Variants in ARVCF observed in about 807,000 individuals in gnomAD.
The protein encoded by ARVCF is splicing regulator ARVCF.
ARVCF carries 66 observed loss-of-function variants against 90.9 expected under a neutral mutation model. That is an observed-to-expected ratio of 0.73 (90% CI 0.60 to 0.89). The LOEUF is 0.89. Ranked by LOEUF, ARVCF falls within the 40% of genes least tolerant of loss-of-function variation. The pLI is 0.00. For missense variants in ARVCF, 1,469 were observed against 1,382.3 expected (o/e 1.06, Z -1.00); for synonymous variants, 653 against 603.4 (o/e 1.08, Z -1.21).
At chr22:19,985,718 C>CACA (rs3081759) in intron 3 of ARVCF, among the ~76,000 whole-genome samples, 63,036 of 151,896 alleles carry the variant, frequency 0.41, 13,753 homozygotes, top group African/African-American at 0.55. Flanking sequence ...TTCACAGATG[C>CACA]ACCACGGTCT....
downstream of ARVCF, among the ~76,000 whole-genome samples, chr22:19,967,898 C>T (rs1045276465): frequency 6.6e-6 from 1 of 152,276 alleles, no homozygotes; most frequent in Non-Finnish European, 1.5e-5. Flanking sequence ...GTGGACCCCA[C>T]GGGCCATGCC....
chr22:19,993,933 G>T (rs965153047), intron 2 of ARVCF, among the ~76,000 whole-genome samples: 1 of 152,216 alleles, frequency 6.6e-6, no homozygotes, highest in East Asian at 1.9e-4. Context: ...TCCAGGACCA[G>T]GACGTGAGCC....
intron 2 of ARVCF, among the ~76,000 whole-genome samples, chr22:20,006,671 C>T (rs1429628101): frequency 6.7e-6 from 1 of 150,108 alleles, no homozygotes; most frequent in African/African-American, 2.5e-5. Flanking sequence ...CTTGCCCTGT[C>T]GCCAGGCTAG....
chr22:19,973,489 G>T (rs797014162), intron 13 of ARVCF, among the ~76,000 whole-genome samples, 154 bp downstream of exon 13: 2 of 152,304 alleles, frequency 1.3e-5, no homozygotes, highest in African/African-American at 4.8e-5. Flanking sequence ...GACAGGGCCG[G>T]GGGGACTGGA....
At chr22:19,982,496 C>A (rs902874439) in intron 3 of ARVCF, among the ~76,000 whole-genome samples, 4 of 152,136 alleles carry the variant, frequency 2.6e-5, no homozygotes, top group African/African-American at 7.2e-5. Flanking sequence ...TGCAGCATGC[C>A]TTCCTGATGT....
intron 2 of ARVCF, among the ~76,000 whole-genome samples, chr22:19,998,451 C>T (rs1468294743): frequency 6.6e-6 from 1 of 152,114 alleles, no homozygotes; most frequent in Non-Finnish European, 1.5e-5. Context: ...TCCCAGGTTT[C>T]GGAGCCAAGG....
chr22:19,976,715 A>C lies in ARVCF; in HGVS notation c.1879T>G (p.Phe627Val). 6.4e-6 allele frequency: 10 copies of C among 1,560,456 alleles called. No individual in the cohort carries two copies. The highest frequency in any genetic ancestry group is 8.7e-6 in the Non-Finnish European group (10 of 1,151,844). The change falls in exon 10 of 20, where the codon TTC becomes GTC. Residue 627 changes from phenylalanine to valine, a missense_variant. Phe to Val is a conservative substitution (Grantham distance 50). Coordinates refer to ENST00000263207, the MANE Select transcript of ARVCF (RefSeq NM_001670.3). Reference sequence around the variant, plus strand: ...ATAAAAAGGGACTCACCTTGGTGGAACCACTCCTCTGGGAGGCCGGAGGAA... The same window carrying C: ...ATAAAAAGGGACTCACCTTGGTGGACCCACTCCTCTGGGAGGCCGGAGGAA... ...FGGKKAKEEW[F>V]HQGKKDGEMD...
intron 2 of ARVCF, among the ~76,000 whole-genome samples, chr22:20,001,092 A>G (rs914490031): frequency 8.5e-5 from 13 of 152,144 alleles, no homozygotes; most frequent in Non-Finnish European, 1.5e-5. Flanking sequence ...AAGTCCCGAC[A>G]GGCCCTTTGG....
chr22:19,979,640 T>C lies in ARVCF; in HGVS notation c.1396+103A>G, dbSNP rs1024679999. ...AGCAGCTGCACTCCTGCCTACCGGG[T>C]GCTTTCCCAGGCGGTCGCAGGCCGA... On this transcript the variant is annotated intron_variant, in intron 6 of 19. Coordinates refer to ENST00000263207, the MANE Select transcript of ARVCF (RefSeq NM_001670.3). The C allele has an allele frequency of 1.8e-5, 26 of 1,448,396 alleles. No individual in the cohort carries two copies. The African/African-American group carries it at 3.2e-4, about 18-fold the overall frequency. 89.7% of individuals were successfully genotyped at this position (1,448,396 alleles called of 1,614,324 possible).
In ARVCF at chr22:19,972,386, A is replaced by T; in HGVS notation, c.2667T>A (p.Asp889Glu). 1 of 1,613,620 alleles carries T rather than the reference A, an allele frequency of 6.2e-7. No individual in the cohort carries two copies. Among genetic ancestry groups the T allele is most frequent in the Non-Finnish European group, 8.5e-7 (1 of 1,179,974 alleles). ...GGCCCAGCGCATCCATGGGGATCAC[A>T]TCCCGGCTGCCAGTTTTCTCGCCCT... ...SLEGEKTGSR[D>E]VIPMDALGPD... is the part of the protein sequence containing the mutation. Residue 889 changes from aspartate to glutamate, a missense_variant, in exon 17 of 20, where the codon GAT (aspartate) becomes GAA (glutamate). Transcript: ENST00000263207.
intron 2 of ARVCF, among the ~76,000 whole-genome samples, chr22:19,993,033 G>A (rs1274749561): frequency 6.6e-6 from 1 of 152,212 alleles, no homozygotes; most frequent in Non-Finnish European, 1.5e-5. Flanking sequence ...GAAACATCCA[G>A]AAACACTGGC....
intron 12 of ARVCF, 103 bp downstream of exon 12, chr22:19,974,009 T>C (rs1251339319): frequency 6.6e-7 from 1 of 1,520,564 alleles, no homozygotes; most frequent in Non-Finnish European, 8.8e-7. Flanking sequence ...GGTGGTGGTG[T>C]GGCCCCTCCT....
chr22:19,994,732 G>A (rs1437740442), intron 2 of ARVCF, among the ~76,000 whole-genome samples: 2 of 143,094 alleles, frequency 1.4e-5, no homozygotes, highest in Admixed American at 1.4e-4. Flanking sequence ...TAGGTGGGGG[G>A]GAATGATGGG....
intron 2 of ARVCF, among the ~76,000 whole-genome samples, chr22:20,008,657 C>A (rs1944718863): frequency 6.6e-6 from 1 of 152,172 alleles, no homozygotes; most frequent in Admixed American, 6.5e-5. Flanking sequence ...TCCCCAGCTG[C>A]CTCCCGCTGT....
At chr22:19,972,455 G>A (rs2146232211) in intron 16 of ARVCF, 44 bp from the exon 17 acceptor site, 3 of 1,611,368 alleles carry the variant, frequency 1.9e-6, no homozygotes, top group Non-Finnish European at 2.5e-6. Flanking sequence ...GGCAGCCAGG[G>A]GGGATCGGGG....
chr22:20,001,254 T>G (rs1375398802), intron 2 of ARVCF, among the ~76,000 whole-genome samples: 1 of 152,070 alleles, frequency 6.6e-6, no homozygotes, highest in Non-Finnish European at 1.5e-5. Context: ...ACCCCCTGCC[T>G]CTGATCCCAC....
At chr22:19,965,866 GGGGGC>G (rs1456105918), downstream of ARVCF, among the ~76,000 whole-genome samples, 31 of 152,176 alleles carry the variant, frequency 2.0e-4, no homozygotes, top group Non-Finnish European at 3.4e-4. Context: ...GTAGCTGGAG[GGGGGC>G]TCACCCCTGA....
At position 19,984,186 on chromosome 22, in the gene ARVCF, T is replaced by C. The variant is rs144940625; in HGVS notation, c.211-2095A>G. ...TCATATATGTATATATTTACATCTA[T>C]TAAAAACTCAGAGAAAAACCCCCTC... On this transcript the variant is annotated intron_variant, in intron 3 of 19. Coordinates refer to ENST00000263207, the MANE Select transcript of ARVCF (RefSeq NM_001670.3). 2.4e-3 allele frequency among the ~76,000 whole-genome samples: 372 copies of C among 152,206 alleles called. 1 individual carries two copies. The highest frequency in any genetic ancestry group is 6.8e-3 in the Middle Eastern group (2 of 294).
At chr22:19,974,269 C>A in intron 11 of ARVCF, 30 bp from the exon 12 acceptor site, 1 of 1,576,966 alleles carries the variant, frequency 6.3e-7, no homozygotes, top group South Asian at 1.1e-5. Context: ...CACCCACGGT[C>A]ACCCAGAATC....
Sources: allele counts gnomAD v4.1 joint callset (sites outside exome capture counted in the v4.1 genomes callset), GRCh38; gene constraint gnomAD v4.1.1; transcripts MANE v1.5; gene names NCBI Gene and HGNC (gene_info 2026-07-23, HGNC 2026-07-21).